MYH15: variants seen among roughly 807,000 people sequenced by gnomAD.
MYH15 encodes the protein myosin-15.
A neutral mutation model predicts 240.5 loss-of-function variants in MYH15; 227 were observed. The observed-to-expected ratio is 0.94, with a 90% confidence interval of 0.85 to 1.05. The LOEUF is 1.05. Among genes scored for constraint, MYH15 ranks in the 50% least tolerant of loss-of-function variants. MYH15 has a pLI of 0.00. For synonymous variants in MYH15, 785 were observed against 796.7 expected, an observed-to-expected ratio of 0.99 and a Z score of 0.25; for missense variants, 2,217 against 2,247.5, an observed-to-expected ratio of 0.99 and a Z score of 0.27.
At chr3:108,433,158 G>A (rs2082795207) in intron 25 of MYH15, among the ~76,000 whole-genome samples, 2 of 152,204 alleles carry the variant, frequency 1.3e-5, no homozygotes, top group Admixed American at 1.3e-4. Flanking sequence ...TCTTGCATCG[G>A]TGTGCCCTGG....
At chr3:108,389,181 C>T (rs2082405940) in intron 37 of MYH15, 107 bp from the exon 38 acceptor site, 1 of 938,530 alleles carries the variant, frequency 1.1e-6, no homozygotes, top group Admixed American at 2.1e-5. Context: ...AGGGAACATG[C>T]ACACACTGTT....
rs35540177 is a variant in MYH15 at position 108,402,119 on chromosome 3, A to AT, written c.4737-2853dup. Among the ~76,000 whole-genome samples the AT allele has an allele frequency of 7.0e-3, 1,066 of 151,804 alleles. 17 individuals carry two copies. The highest frequency in any genetic ancestry group is 0.024 in the African/African-American group (1,009 of 41,370). On this transcript the variant is annotated intron_variant, in intron 33 of 40. Transcript: ENST00000693548. ...CTAATCTATGTATGAGAAATAAGAG[A>AT]TTTTTTTTTCTTAATCCAAATACAT...
intron 27 of MYH15, among the ~76,000 whole-genome samples, chr3:108,426,616 A>G (rs1158165571): frequency 6.6e-6 from 1 of 152,192 alleles, no homozygotes; most frequent in Non-Finnish European, 1.5e-5. Flanking sequence ...ATTTCAAAGG[A>G]TATTTTGGAG....
At chr3:108,408,230 T>C in intron 32 of MYH15, 50 bp downstream of exon 32, 1 of 1,574,640 alleles carries the variant, frequency 6.4e-7, no homozygotes, top group South Asian at 1.2e-5. Flanking sequence ...TGAATGCAGA[T>C]CTTCTGCCTT....
intron 11 of MYH15, among the ~76,000 whole-genome samples, chr3:108,478,605 T>C (rs1263769680): frequency 1.7e-5 from 1 of 58,600 alleles, no homozygotes; most frequent in East Asian, 1.9e-4. Flanking sequence ...AGAAATACAA[T>C]GTGCCTGGCA....
At chr3:108,507,941 G>A (rs966418890) in intron 1 of MYH15, among the ~76,000 whole-genome samples, 2 of 152,164 alleles carry the variant, frequency 1.3e-5, no homozygotes, top group Non-Finnish European at 2.9e-5. Flanking sequence ...TAAACCAAAT[G>A]TTATCACTTG....
intron 2 of MYH15, among the ~76,000 whole-genome samples, 198 bp from the exon 3 acceptor site, chr3:108,502,053 T>C (rs2083442886): frequency 6.6e-6 from 1 of 152,232 alleles, no homozygotes; most frequent in African/African-American, 2.4e-5. Context: ...TCCCTAAAGA[T>C]GAAGTAAACA....
intron 1 of MYH15, among the ~76,000 whole-genome samples, chr3:108,523,261 T>C (rs958476210): frequency 3.9e-5 from 6 of 152,038 alleles, no homozygotes; most frequent in Non-Finnish European, 7.4e-5. Context: ...CAACTCTAAA[T>C]TTTCTACTCT....
chr3:108,433,232 G>C (rs2082795851), intron 25 of MYH15, among the ~76,000 whole-genome samples: 1 of 152,154 alleles, frequency 6.6e-6, no homozygotes, highest in South Asian at 2.1e-4. Flanking sequence ...TTTCAGACTT[G>C]GATAGGGCCT....
Position 108,519,522 on chromosome 3 carries a change from T to C in MYH15, c.-57-8935A>G, listed in dbSNP as rs542761457. Reference sequence around the variant, plus strand: ...ATAACAATGGAGCAGGCTGAAAGTATGGATAGTTTTGAGCAGAGTTGAGAG... The same window carrying C: ...ATAACAATGGAGCAGGCTGAAAGTACGGATAGTTTTGAGCAGAGTTGAGAG... On this transcript the variant is annotated intron_variant, in intron 1 of 41. Coordinates refer to the MYH15 transcript ENST00000273353. Among the ~76,000 whole-genome samples, 9 of 152,200 alleles carry C rather than the reference T, an allele frequency of 5.9e-5. No individual in the cohort carries two copies. The South Asian group carries it at 1.5e-3, about 25-fold the overall frequency.
chr3:108,465,817 C>G, intron 14 of MYH15, among the ~76,000 whole-genome samples: 1 of 151,946 alleles, frequency 6.6e-6, no homozygotes, highest in Non-Finnish European at 1.5e-5. Flanking sequence ...ATCCCAGCTA[C>G]CCGGGAGGCT....
At chr3:108,428,934 A>T in intron 26 of MYH15, 53 bp from the exon 27 acceptor site, 4 of 1,483,284 alleles carry the variant, frequency 2.7e-6, no homozygotes, top group South Asian at 1.4e-5. Context: ...CAAGAGCTTT[A>T]CTCTATTTTT....
chr3:108,457,328 G>C (rs1442372731), intron 18 of MYH15, among the ~76,000 whole-genome samples: 1 of 152,190 alleles, frequency 6.6e-6, no homozygotes, highest in Non-Finnish European at 1.5e-5. Flanking sequence ...GAAAGGGGAA[G>C]ATAGACACAA....
chr3:108,508,560 C>T (rs1192070147), intron 1 of MYH15, among the ~76,000 whole-genome samples: 2 of 151,974 alleles, frequency 1.3e-5, no homozygotes, highest in African/African-American at 4.8e-5. Context: ...ATATCTTTTC[C>T]AATATAAAGC....
chr3:108,450,298 C>T (rs1216020626), intron 21 of MYH15, among the ~76,000 whole-genome samples: 1 of 152,032 alleles, frequency 6.6e-6, no homozygotes, highest in African/African-American at 2.4e-5. Flanking sequence ...ATGGAATCAA[C>T]CTAAGTGTTC....
intron 37 of MYH15, among the ~76,000 whole-genome samples, chr3:108,390,269 G>A (rs1461978279): frequency 1.3e-5 from 2 of 152,138 alleles, no homozygotes; most frequent in African/African-American, 2.4e-5. Context: ...AATAGGTAAT[G>A]ATGGTATCAT....
intron 14 of MYH15, among the ~76,000 whole-genome samples, chr3:108,469,771 T>C (rs1194139221): frequency 6.6e-6 from 1 of 152,198 alleles, no homozygotes; most frequent in Non-Finnish European, 1.5e-5. Flanking sequence ...ACTCAACAAG[T>C]TTCCGCTCAC....
intron 2 of MYH15, among the ~76,000 whole-genome samples, chr3:108,504,419 G>T (rs1203972978): frequency 6.6e-6 from 1 of 152,126 alleles, no homozygotes; most frequent in African/African-American, 2.4e-5. Context: ...TTGACTGTCA[G>T]GAAGACATAT....
intron 21 of MYH15, among the ~76,000 whole-genome samples, chr3:108,447,622 C>A (rs758732830): frequency 7.3e-5 from 11 of 151,408 alleles, no homozygotes; most frequent in Non-Finnish European, 1.6e-4. Flanking sequence ...AATACTGTAT[C>A]CAGCAAGGCT....
Sources: gnomAD v4.1 joint callset for allele counts (sites outside exome capture counted in the v4.1 genomes callset) on GRCh38, gnomAD v4.1.1 for gene constraint, MANE v1.5 for transcripts, NCBI Gene and HGNC (gene_info 2026-07-23, HGNC 2026-07-21) for gene names.